PRKCA: variants seen among roughly 807,000 people sequenced by gnomAD.
PRKCA encodes the protein protein kinase C alpha type.
Under a neutral mutation model 87.0 loss-of-function variants are expected in PRKCA, and 27 were observed. The ratio of observed to expected loss-of-function variants is 0.31; its 90% CI spans 0.23 to 0.43. PRKCA has a LOEUF of 0.43. PRKCA is among the 20% of genes least tolerant of loss of function. The probability of loss-of-function intolerance (pLI) is 1.00; values close to 1 mark genes in which losing one functional copy is unlikely to be tolerated. For synonymous variants in PRKCA, 329 were observed against 311.1 expected (o/e 1.06, Z -0.61); for missense variants, 518 against 852.3 (o/e 0.61, Z 4.88).
At chr17:66,495,776 C>T (rs1386956779) in intron 2 of PRKCA, among the ~76,000 whole-genome samples, 3 of 151,894 alleles carry the variant, frequency 2.0e-5, no homozygotes, top group Admixed American at 6.6e-5. Flanking sequence ...ACCATGTTGG[C>T]CAGGCTGCTC....
At chr17:66,510,991 C>A (rs1917202234) in intron 3 of PRKCA, among the ~76,000 whole-genome samples, 1 of 152,110 alleles carries the variant, frequency 6.6e-6, no homozygotes, top group Non-Finnish European at 1.5e-5. Flanking sequence ...CGGTGATCTG[C>A]CCACCCCTGC....
intron 2 of PRKCA, among the ~76,000 whole-genome samples, chr17:66,310,064 C>T (rs1320078141): frequency 6.6e-6 from 1 of 151,972 alleles, no homozygotes; most frequent in Non-Finnish European, 1.5e-5. Context: ...GATTTTTTTC[C>T]CCCTCCTTAG....
chr17:66,783,261 A>T (rs1975285609), intron 14 of PRKCA, among the ~76,000 whole-genome samples: 1 of 152,178 alleles, frequency 6.6e-6, no homozygotes, highest in Non-Finnish European at 1.5e-5. Context: ...CTAGACTAAG[A>T]ATTCACATTG....
chr17:66,304,238 A>G (rs1432042479), intron 1 of PRKCA, among the ~76,000 whole-genome samples: 1 of 152,114 alleles, frequency 6.6e-6, no homozygotes, highest in African/African-American at 2.4e-5. Context: ...GTGTTTGTGA[A>G]TCTTTTTCCT....
chr17:66,388,285 G>A (rs962797614), intron 2 of PRKCA, among the ~76,000 whole-genome samples: 13 of 152,002 alleles, frequency 8.6e-5, no homozygotes, highest in South Asian at 2.1e-4. Context: ...TGAGTCCATC[G>A]ATACTTACCT....
intron 5 of PRKCA, among the ~76,000 whole-genome samples, chr17:66,652,536 C>G (rs1158251658): frequency 1.3e-5 from 2 of 151,688 alleles, no homozygotes; most frequent in African/African-American, 4.8e-5. Flanking sequence ...TCAACAAAAG[C>G]AAAAAAACAG....
chr17:66,711,370 GTTC>G (rs1353233028), intron 8 of PRKCA, among the ~76,000 whole-genome samples: 1 of 152,178 alleles, frequency 6.6e-6, no homozygotes, highest in Non-Finnish European at 1.5e-5. Context: ...TTGTTCTGAT[GTTC>G]TTAATGCCTG....
chr17:66,531,950 C>T lies in PRKCA; in HGVS notation c.288+35667C>T, dbSNP rs533772422. On this transcript the variant is annotated intron_variant, in intron 3 of 16. Transcript: ENST00000413366. ...GATTTTCCCAGAGAGGAGCTGTGTT[C>T]GGCTTCTAGGCTGAGGAGCTAAGCT... 3.3e-4 allele frequency among the ~76,000 whole-genome samples: 51 copies of T among 152,270 alleles called. No individual in the cohort carries two copies. The Middle Eastern group carries it at 0.01, about 30-fold the overall frequency.
chr17:66,697,209 AATAGC>A (rs1230976345), intron 8 of PRKCA, among the ~76,000 whole-genome samples: 1 of 152,204 alleles, frequency 6.6e-6, no homozygotes, highest in African/African-American at 2.4e-5. Flanking sequence ...CTAAAAAGTA[AATAGC>A]TACATTTTGC....
At chr17:66,311,203 A>G (rs1286279696) in intron 2 of PRKCA, among the ~76,000 whole-genome samples, 1 of 152,212 alleles carries the variant, frequency 6.6e-6, no homozygotes, top group Non-Finnish European at 1.5e-5. Context: ...GACTGAGTAT[A>G]ATTTGAAACC....
intron 3 of PRKCA, among the ~76,000 whole-genome samples, chr17:66,505,396 C>T (rs1265512721): frequency 1.3e-5 from 2 of 152,176 alleles, no homozygotes; most frequent in South Asian, 2.1e-4. Context: ...AAATGCGCGA[C>T]GTAATTACAA....
intron 3 of PRKCA, among the ~76,000 whole-genome samples, chr17:66,531,902 C>T (rs1292207456): frequency 1.3e-5 from 2 of 152,156 alleles, no homozygotes; most frequent in African/African-American, 4.8e-5. Context: ...AGTCTGGAGC[C>T]CATGTTTCCA....
At position 66,434,640 on chromosome 17, in the gene PRKCA, G is replaced by T. The variant is rs1461832124; in HGVS notation, c.206-61561G>T. ...GAGCCAGATGTGTAGCTGCTTCTTT[G>T]TTCCTAGGCACACGCCTTTTTTCCC... On this transcript the variant is annotated intron_variant, in intron 2 of 16. Coordinates refer to ENST00000413366, the MANE Select transcript of PRKCA (RefSeq NM_002737.3). Among the ~76,000 whole-genome samples the T allele has an allele frequency of 8.3e-5, 5 of 59,962 alleles. No individual in the cohort carries two copies. The Admixed American group carries it at 1.0e-3, about 12-fold the overall frequency. 39.3% of individuals were successfully genotyped at this position (59,962 alleles called of 152,430 possible).
intron 13 of PRKCA, among the ~76,000 whole-genome samples, chr17:66,755,585 C>A (rs1202376392): frequency 1.3e-5 from 2 of 152,120 alleles, no homozygotes; most frequent in Admixed American, 6.5e-5. Context: ...CTTTTCAGTT[C>A]TTTGTGTTTG....
intron 2 of PRKCA, among the ~76,000 whole-genome samples, chr17:66,307,330 T>A (rs758135716): frequency 5.3e-5 from 8 of 152,094 alleles, no homozygotes; most frequent in Non-Finnish European, 1.0e-4. Flanking sequence ...GAAAGGAAAA[T>A]GTAGCTCTTT....
intron 3 of PRKCA, among the ~76,000 whole-genome samples, chr17:66,570,630 C>T (rs746299220): frequency 3.3e-5 from 5 of 152,148 alleles, no homozygotes; most frequent in Non-Finnish European, 5.9e-5. Flanking sequence ...AAAGACTCTG[C>T]TTTAGCTCTT....
intron 2 of PRKCA, among the ~76,000 whole-genome samples, chr17:66,427,114 C>T (rs959309646): frequency 4.6e-5 from 7 of 152,130 alleles, no homozygotes. Flanking sequence ...TCACTGCAAC[C>T]TCCACCTCCC....
intron 10 of PRKCA, among the ~76,000 whole-genome samples, chr17:66,736,230 G>T (rs1476525082): frequency 6.6e-6 from 1 of 150,954 alleles, no homozygotes; most frequent in Non-Finnish European, 1.5e-5. Flanking sequence ...GCCTGGTACT[G>T]TGCTCAGACT....
At chr17:66,536,355 G>A (rs950364224) in intron 3 of PRKCA, among the ~76,000 whole-genome samples, 5 of 152,078 alleles carry the variant, frequency 3.3e-5, no homozygotes, top group African/African-American at 1.2e-4. Context: ...ATCCTCCACT[G>A]ATCAATCATT....
Sources: allele counts gnomAD v4.1 joint callset (sites outside exome capture counted in the v4.1 genomes callset), GRCh38; gene constraint gnomAD v4.1.1; transcripts MANE v1.5; gene names NCBI Gene and HGNC (gene_info 2026-07-23, HGNC 2026-07-21).